DPP6: variants seen among roughly 807,000 people sequenced by gnomAD.
The protein encoded by DPP6 is dipeptidyl peptidase like 6.
Under a neutral mutation model 122.6 loss-of-function variants are expected in DPP6, and 69 were observed. The ratio of observed to expected loss-of-function variants is 0.56; its 90% CI spans 0.46 to 0.69. The LOEUF (loss-of-function observed/expected upper bound fraction) is 0.69. Ranked by LOEUF, DPP6 falls within the 30% of genes least tolerant of loss-of-function variation. The pLI is 0.00. For missense variants in DPP6, 928 were observed against 1,116.9 expected (o/e 0.83, Z 2.41); for synonymous variants, 418 against 433.1 (o/e 0.97, Z 0.43).
At chr7:154,099,054 G>C (rs1408860163) in intron 1 of DPP6, among the ~76,000 whole-genome samples, 2 of 152,102 alleles carry the variant, frequency 1.3e-5, no homozygotes, top group Non-Finnish European at 2.9e-5. Flanking sequence ...ATGATTTTTA[G>C]GAAGATAGGC....
At chr7:153,814,430 C>G in the DPP6 span, among the ~76,000 whole-genome samples, 4 of 152,258 alleles carry the variant, frequency 2.6e-5, no homozygotes, top group Middle Eastern at 6.8e-3. Context: ...TCTCTGAATA[C>G]ACCAATAACA....
intron 1 of DPP6, among the ~76,000 whole-genome samples, chr7:154,231,727 G>A (rs973228043): frequency 1.3e-5 from 2 of 152,116 alleles, no homozygotes; most frequent in African/African-American, 4.8e-5. Flanking sequence ...GAGCACTTGC[G>A]AGCCACAGAT....
the DPP6 span, among the ~76,000 whole-genome samples, chr7:153,832,637 A>G: frequency 6.6e-6 from 1 of 150,648 alleles, no homozygotes; most frequent in Admixed American, 6.6e-5. Context: ...GGGATATATA[A>G]ATAAGTCAAG....
chr7:153,954,479 C>T (rs900346075), intron 1 of DPP6, among the ~76,000 whole-genome samples: 1 of 152,198 alleles, frequency 6.6e-6, no homozygotes, highest in Admixed American at 6.5e-5. Flanking sequence ...ACCAGATTGG[C>T]ACCTCATGAA....
At chr7:153,948,552 G>A (rs2129019917) in intron 1 of DPP6, among the ~76,000 whole-genome samples, 1 of 151,836 alleles carries the variant, frequency 6.6e-6, no homozygotes, top group South Asian at 2.1e-4. Flanking sequence ...TTAGAAATAG[G>A]AATGTTAATA....
chr7:154,478,464 C>G (rs1274192305), intron 3 of DPP6, among the ~76,000 whole-genome samples: 1 of 152,132 alleles, frequency 6.6e-6, no homozygotes, highest in Admixed American at 6.5e-5. Flanking sequence ...CCGTCATCAT[C>G]ATAACATCAT....
chr7:154,402,086 A>T (rs1218550440), intron 1 of DPP6, among the ~76,000 whole-genome samples: 1 of 151,780 alleles, frequency 6.6e-6, no homozygotes, highest in Non-Finnish European at 1.5e-5. Context: ...ATCATTAAAA[A>T]GTCAGGAAAC....
At chr7:153,844,861 A>G in the DPP6 span, among the ~76,000 whole-genome samples, 1 of 152,204 alleles carries the variant, frequency 6.6e-6, no homozygotes, top group Non-Finnish European at 1.5e-5. Flanking sequence ...TAGGCTCTTG[A>G]GTGTGGTAGA....
chr7:154,400,855 A>G (rs574505837), intron 1 of DPP6, among the ~76,000 whole-genome samples: 1 of 152,306 alleles, frequency 6.6e-6, no homozygotes, highest in African/African-American at 2.4e-5. Flanking sequence ...TTATTATCCT[A>G]AAGATATTTA....
chr7:154,753,961 C>T (rs1364180141), intron 8 of DPP6, among the ~76,000 whole-genome samples: 1 of 152,110 alleles, frequency 6.6e-6, no homozygotes, highest in Non-Finnish European at 1.5e-5. Flanking sequence ...ACAATAGAAC[C>T]AGGAATAATT....
Position 154,263,659 on chromosome 7 carries a change from C to G in DPP6, c.244-182555C>G, listed in dbSNP as rs554861778. 3.9e-5 allele frequency among the ~76,000 whole-genome samples: 6 copies of G among 152,196 alleles called. No homozygotes were observed. The South Asian group carries it at 1.2e-3, about 32-fold the overall frequency. On this transcript the variant is annotated intron_variant, in intron 1 of 25. Transcript: ENST00000377770. ...AGACCAAACACGACTGCATTCCAAA[C>G]AGTCCTCTGTTATGTTCTTTTTATT...
the DPP6 span, among the ~76,000 whole-genome samples, chr7:153,839,867 G>A: frequency 6.6e-6 from 1 of 152,198 alleles, no homozygotes; most frequent in Non-Finnish European, 1.5e-5. Flanking sequence ...ATTCCCAAGT[G>A]AGGTTGTTGC....
At chr7:154,613,533 C>T (rs552702500) in intron 5 of DPP6, among the ~76,000 whole-genome samples, 6 of 140,672 alleles carry the variant, frequency 4.3e-5, no homozygotes, top group African/African-American at 1.6e-4. Flanking sequence ...GCAGGAGAAT[C>T]GCTTGAACCC....
chr7:154,210,218 C>A (rs1180660004), intron 1 of DPP6, among the ~76,000 whole-genome samples: 1 of 152,198 alleles, frequency 6.6e-6, no homozygotes, highest in African/African-American at 2.4e-5. Context: ...CTCCTTCAGG[C>A]CCTCAGAAGT....
chr7:154,720,346 C>G (rs1260058921), intron 7 of DPP6, among the ~76,000 whole-genome samples: 1 of 152,162 alleles, frequency 6.6e-6, no homozygotes, highest in African/African-American at 2.4e-5. Context: ...GCGAGTGTCC[C>G]CATCACTTAC....
chr7:154,805,674 G>A (rs1798651663), intron 15 of DPP6, among the ~76,000 whole-genome samples: 1 of 152,194 alleles, frequency 6.6e-6, no homozygotes, highest in African/African-American at 2.4e-5. Context: ...AACCCTGGAG[G>A]GGGACTGGTT....
intron 1 of DPP6, among the ~76,000 whole-genome samples, chr7:154,165,140 A>T (rs1455726033): frequency 6.9e-6 from 1 of 145,824 alleles, no homozygotes. Flanking sequence ...ATATCTCCCA[A>T]TACTATCCCT....
chr7:154,525,423 G>C (rs1485604930), intron 3 of DPP6, among the ~76,000 whole-genome samples: 1 of 152,190 alleles, frequency 6.6e-6, no homozygotes, highest in Admixed American at 6.5e-5. Flanking sequence ...CTCCCAAAGT[G>C]CTGGGATGAT....
chr7:153,806,702 C>T, the DPP6 span, among the ~76,000 whole-genome samples: 1 of 152,024 alleles, frequency 6.6e-6, no homozygotes. Context: ...TTCCTCATAA[C>T]ATATTTTCTC....
Sources: allele counts gnomAD v4.1 joint callset (sites outside exome capture counted in the v4.1 genomes callset), GRCh38; gene constraint gnomAD v4.1.1; transcripts MANE v1.5; gene names NCBI Gene and HGNC (gene_info 2026-07-23, HGNC 2026-07-21).